Variants in COL21A1 observed in about 807,000 individuals in gnomAD.
COL21A1 encodes collagen type XXI alpha 1 chain, also known as collagen alpha-1(XXI) chain.
A neutral mutation model predicts 137.9 loss-of-function variants in COL21A1; 149 were observed. The observed-to-expected ratio is 1.08, with a 90% confidence interval of 0.95 to 1.24. The LOEUF (loss-of-function observed/expected upper bound fraction) is 1.24. COL21A1 is among the 50% of genes most tolerant of loss of function. The probability of loss-of-function intolerance (pLI) is 0.00; values close to 1 mark genes in which losing one functional copy is unlikely to be tolerated. For synonymous variants in COL21A1, 456 were observed against 391.5 expected, an observed-to-expected ratio of 1.16 and a Z score of -1.95; for missense variants, 1,167 against 1,158.4, an observed-to-expected ratio of 1.01 and a Z score of -0.11.
chr6:56,171,947 T>C (rs1777094788), intron 3 of COL21A1, among the ~76,000 whole-genome samples: 1 of 151,622 alleles, frequency 6.6e-6, no homozygotes, highest in Admixed American at 6.6e-5. Flanking sequence ...ACTCAATAAT[T>C]GGTCATTTGA....
chr6:56,118,235 A>C (rs1402534736), intron 16 of COL21A1, among the ~76,000 whole-genome samples: 1 of 151,940 alleles, frequency 6.6e-6, no homozygotes, highest in Non-Finnish European at 1.5e-5. Flanking sequence ...TACAGTCAGA[A>C]ATGAGAAAGG....
intron 1 of COL21A1, among the ~76,000 whole-genome samples, chr6:56,326,530 G>A (rs907433804): frequency 6.6e-6 from 1 of 151,682 alleles, no homozygotes; most frequent in African/African-American, 2.4e-5. Flanking sequence ...CTTGCCAGAG[G>A]GACAAAAACT....
chr6:56,158,215 C>G (rs528117500), intron 9 of COL21A1, among the ~76,000 whole-genome samples: 3 of 148,598 alleles, frequency 2.0e-5, no homozygotes, highest in African/African-American at 7.4e-5. Context: ...TATATAGATG[C>G]ACATGATTTC....
intron 1 of COL21A1, among the ~76,000 whole-genome samples, chr6:56,372,809 T>C (rs1055899974): frequency 1.3e-5 from 2 of 152,194 alleles, no homozygotes; most frequent in African/African-American, 4.8e-5. Flanking sequence ...GCTGTTGTAA[T>C]GGTATTGGTC....
chr6:56,211,228 CATAT>C (rs1249162072), intron 1 of COL21A1, among the ~76,000 whole-genome samples: 1 of 40,340 alleles, frequency 2.5e-5, no homozygotes, highest in East Asian at 1.2e-3. Context: ...TGTATATATA[CATAT>C]ATATGTATAT....
At chr6:56,195,077 G>A (rs538975085) in intron 1 of COL21A1, among the ~76,000 whole-genome samples, 5 of 152,234 alleles carry the variant, frequency 3.3e-5, no homozygotes, top group Non-Finnish European at 5.9e-5. Flanking sequence ...TGCCCTCTGC[G>A]GGCTTGTGAC....
chr6:56,336,749 A>G (rs908908833), intron 1 of COL21A1, among the ~76,000 whole-genome samples: 1 of 152,060 alleles, frequency 6.6e-6, no homozygotes, highest in Non-Finnish European at 1.5e-5. Flanking sequence ...CAGCATCTGT[A>G]AAATTATCCT....
At chr6:56,202,001 C>G (rs1422556309) in intron 1 of COL21A1, among the ~76,000 whole-genome samples, 2 of 151,912 alleles carry the variant, frequency 1.3e-5, no homozygotes, top group Non-Finnish European at 2.9e-5. Flanking sequence ...AGTATAAGAA[C>G]AGAATAATAA....
chr6:56,115,093 T>C (rs1231165226), intron 16 of COL21A1, among the ~76,000 whole-genome samples: 4 of 149,228 alleles, frequency 2.7e-5, no homozygotes, highest in East Asian at 1.9e-4. Context: ...TAGGTGGGAA[T>C]TGAACAATGA....
intron 1 of COL21A1, among the ~76,000 whole-genome samples, chr6:56,339,995 G>T (rs1268036598): frequency 6.6e-6 from 1 of 152,104 alleles, no homozygotes; most frequent in Non-Finnish European, 1.5e-5. Context: ...CCAGTAGTTT[G>T]GACATCTAAG....
At chr6:56,237,000 A>G (rs1781946483) in intron 1 of COL21A1, among the ~76,000 whole-genome samples, 1 of 152,074 alleles carries the variant, frequency 6.6e-6, no homozygotes, top group South Asian at 2.1e-4. Flanking sequence ...ATTGAAAACA[A>G]TGGTTATAAA....
At chr6:56,158,449 T>G (rs1296389267) in intron 9 of COL21A1, among the ~76,000 whole-genome samples, 4 of 151,694 alleles carry the variant, frequency 2.6e-5, no homozygotes, top group Non-Finnish European at 5.9e-5. Context: ...ATTTTCATAT[T>G]TTTTGTAGAG....
chr6:56,124,254 G>T lies in COL21A1; in HGVS notation c.1689C>A (p.Gly563=). Residue 563 remains glycine, a synonymous_variant, in exon 15 of 30, where the codon GGC becomes GGA. Transcript: ENST00000244728. ...KGEKGNAGFP[G]LPGPAGEPGR... is the part of the protein sequence containing the mutation. ...TCAAACTCACAGCAGGTCCAGGGAG[G>T]CCAGGGAAGCCAGCATTCCCCTTTT... The T allele has an allele frequency of 1.2e-6, 2 of 1,603,180 alleles. No individual in the cohort carries two copies. Among genetic ancestry groups the T allele is most frequent in the Non-Finnish European group, 1.7e-6 (2 of 1,174,502 alleles).
chr6:56,147,761 G>A (rs1405529141), intron 10 of COL21A1, among the ~76,000 whole-genome samples: 3 of 151,904 alleles, frequency 2.0e-5, no homozygotes, highest in Non-Finnish European at 4.4e-5. Context: ...ATCTACATAC[G>A]ACTTTCACAG....
chr6:56,249,418 A>G (rs1782797411), upstream of COL21A1, among the ~76,000 whole-genome samples: 1 of 152,222 alleles, frequency 6.6e-6, no homozygotes, highest in African/African-American at 2.4e-5. Context: ...TTCTATATGA[A>G]TATTCATAGG....
intron 1 of COL21A1, among the ~76,000 whole-genome samples, chr6:56,263,123 C>T (rs1165839323): frequency 6.6e-6 from 1 of 152,208 alleles, no homozygotes. Context: ...AAAGCAATAA[C>T]TGCTTTATTC....
At chr6:56,272,492 T>C (rs1171702673) in intron 1 of COL21A1, among the ~76,000 whole-genome samples, 5 of 152,198 alleles carry the variant, frequency 3.3e-5, no homozygotes, top group Non-Finnish European at 5.9e-5. Flanking sequence ...TTCAGGTTAA[T>C]GCTGGAATGA....
chr6:56,152,450 T>A (rs1775396683), intron 10 of COL21A1, among the ~76,000 whole-genome samples: 1 of 152,224 alleles, frequency 6.6e-6, no homozygotes, highest in African/African-American at 2.4e-5. Flanking sequence ...GAGGGACCAT[T>A]ATTCTTCCTA....
intron 17 of COL21A1, among the ~76,000 whole-genome samples, chr6:56,092,397 T>C (rs1254930561): frequency 6.6e-6 from 1 of 152,180 alleles, no homozygotes. Context: ...CTATTATATA[T>C]AGCACATTAA....
Sources: allele counts gnomAD v4.1 joint callset (sites outside exome capture counted in the v4.1 genomes callset), GRCh38; gene constraint gnomAD v4.1.1; transcripts MANE v1.5; gene names NCBI Gene and HGNC (gene_info 2026-07-23, HGNC 2026-07-21).